Variants in ZNF536 observed in about 807,000 individuals in gnomAD.
ZNF536 encodes the protein zinc finger protein 536.
In ZNF536, 13 loss-of-function variants were observed where a neutral mutation model predicts 84.5. The ratio of observed to expected loss-of-function variants is 0.15; its 90% confidence interval spans 0.10 to 0.24. The LOEUF is 0.24. Ranked by LOEUF, ZNF536 falls within the 10% of genes least tolerant of loss-of-function variation. The pLI, the probability that ZNF536 is intolerant of heterozygous loss-of-function variation, is 1.00. For missense variants in ZNF536, 1,536 were observed against 1,747.5 expected (o/e 0.88, Z 2.16); for synonymous variants, 811 against 742.5 (o/e 1.09, Z -1.50).
intron 1 of ZNF536, among the ~76,000 whole-genome samples, chr19:30,703,463 A>G (rs2052084218): frequency 6.6e-6 from 1 of 152,176 alleles, no homozygotes; most frequent in Non-Finnish European, 1.5e-5. Flanking sequence ...CACCCACATC[A>G]AATTCTATCT....
chr19:30,703,376 C>A (rs1377902414), intron 1 of ZNF536, among the ~76,000 whole-genome samples: 1 of 152,158 alleles, frequency 6.6e-6, no homozygotes, highest in Admixed American at 6.5e-5. Context: ...CACTGCCTCC[C>A]AGTGCTGTTT....
At chr19:30,604,710 G>C (rs753374849) in intron 1 of ZNF536, among the ~76,000 whole-genome samples, 70 of 152,092 alleles carry the variant, frequency 4.6e-4, no homozygotes, top group Non-Finnish European at 7.5e-4. Flanking sequence ...GTGGGTCTTG[G>C]GAAATGATTT....
chr19:30,497,026 G>C (rs796809950), intron 2 of ZNF536, among the ~76,000 whole-genome samples: 2 of 152,188 alleles, frequency 1.3e-5, no homozygotes, highest in African/African-American at 4.8e-5. Flanking sequence ...CTTTACAAGA[G>C]AGATGATTAT....
rs115258201 is a variant in ZNF536 at position 30,495,057 on chromosome 19, G to A, written c.2171-39790G>A. 2.9e-3 allele frequency among the ~76,000 whole-genome samples: 438 copies of A among 151,940 alleles called. 1 individual carries two copies. Among genetic ancestry groups the A allele is most frequent in the African/African-American group, 9.9e-3 (408 of 41,402 alleles). ...ACACATTATGGCCAAAAGCCTAACT[G>A]TGAGTTAGGCTAAGAGTCAGCAGAC... On this transcript the variant is annotated intron_variant, in intron 2 of 4. Transcript: ENST00000355537.
chr19:30,276,663 G>T (rs566744655), intron 1 of ZNF536, among the ~76,000 whole-genome samples: 1 of 152,150 alleles, frequency 6.6e-6, no homozygotes, highest in Admixed American at 6.5e-5. Flanking sequence ...CCATGTGTTA[G>T]CTATGGAACA....
At chr19:30,682,414 C>T (rs2051012371) in intron 1 of ZNF536, among the ~76,000 whole-genome samples, 1 of 152,190 alleles carries the variant, frequency 6.6e-6, no homozygotes. Context: ...ACACAGCATA[C>T]AGTGTAATTC....
rs547512723 is a variant in ZNF536 at position 30,243,931 on chromosome 19, G to A, written c.-190+15258G>A. On this transcript the variant is annotated intron_variant, in intron 1 of 5. Transcript: ENST00000585628. The stretch of plus-strand genomic sequence containing the variant: ...CATTGCAATTTGTATTCAAGAGATA[G>A]TTCATTATAAATTCCAGTTCAGCAC... Among the ~76,000 whole-genome samples, 28 of 152,258 alleles carry A rather than the reference G, an allele frequency of 1.8e-4. 1 individual carries two copies. The highest frequency in any genetic ancestry group is 6.8e-3 in the Middle Eastern group (2 of 294).
At chr19:30,662,564 A>ATTTT (rs397958015) in intron 1 of ZNF536, among the ~76,000 whole-genome samples, 43 of 148,818 alleles carry the variant, frequency 2.9e-4, no homozygotes, top group African/African-American at 1.1e-3. Flanking sequence ...TTGTTTTTTG[A>ATTTT]TTTTTTTTTT....
intron 1 of ZNF536, among the ~76,000 whole-genome samples, chr19:30,693,498 A>C (rs954536201): frequency 2.6e-5 from 4 of 152,158 alleles, no homozygotes; most frequent in African/African-American, 9.7e-5. Flanking sequence ...GAGGATATGC[A>C]AAGTCTGACA....
chr19:30,233,686 C>T (rs1410806187), intron 1 of ZNF536, among the ~76,000 whole-genome samples: 1 of 152,032 alleles, frequency 6.6e-6, no homozygotes, highest in Admixed American at 6.6e-5. Flanking sequence ...AGGCACAGCT[C>T]CTAGTGCTTT....
chr19:30,703,542 C>T (rs754564181), intron 1 of ZNF536, among the ~76,000 whole-genome samples: 2 of 152,180 alleles, frequency 1.3e-5, no homozygotes, highest in Admixed American at 1.3e-4. Context: ...CTTTGAAGGT[C>T]CTCCGGTTTC....
chr19:30,281,639 G>A (rs2045448456), intron 1 of ZNF536, among the ~76,000 whole-genome samples: 1 of 152,208 alleles, frequency 6.6e-6, no homozygotes, highest in Non-Finnish European at 1.5e-5. Context: ...CCATGTTGCT[G>A]GGGAGGGCTG....
chr19:30,328,266 C>G lies in ZNF536; in HGVS notation c.-119-24102C>G, dbSNP rs371847556. 8.5e-5 allele frequency among the ~76,000 whole-genome samples: 13 copies of G among 152,160 alleles called. No individual in the cohort carries two copies. The East Asian group carries it at 1.2e-3, about 14-fold the overall frequency. On this transcript the variant is annotated intron_variant, in intron 2 of 5. Transcript: ENST00000585628. ...AGTGAGCAGAGAAAGACTTGGGCCT[C>G]CAGGAGCTCCTTGAGAAATAAACCG...
intron 1 of ZNF536, among the ~76,000 whole-genome samples, chr19:30,383,670 TTCTTCC>T: frequency 2.8e-5 from 1 of 36,270 alleles, no homozygotes; most frequent in African/African-American, 1.2e-4. Flanking sequence ...TTCTCTTTCT[TTCTTCC>T]TTTCTTCCTT....
At chr19:30,492,886 A>T (rs1434033511) in intron 2 of ZNF536, among the ~76,000 whole-genome samples, 1 of 152,170 alleles carries the variant, frequency 6.6e-6, no homozygotes, top group Non-Finnish European at 1.5e-5. Context: ...CTGAGCTTGA[A>T]TTTCAAAGTC....
At chr19:30,573,137 C>G (rs780041038) in intron 1 of ZNF536, among the ~76,000 whole-genome samples, 18 of 152,106 alleles carry the variant, frequency 1.2e-4, no homozygotes, top group Non-Finnish European at 2.1e-4. Flanking sequence ...ACCCAGAGAT[C>G]CCTGTGTAAG....
At chr19:30,565,273 T>C (rs2046311451) in intron 1 of ZNF536, among the ~76,000 whole-genome samples, 1 of 151,032 alleles carries the variant, frequency 6.6e-6, no homozygotes, top group Non-Finnish European at 1.5e-5. Flanking sequence ...TCTTCAAGGG[T>C]AAGGTCAGCT....
intron 1 of ZNF536, among the ~76,000 whole-genome samples, chr19:30,586,521 T>C (rs2047101456): frequency 6.6e-6 from 1 of 152,244 alleles, no homozygotes; most frequent in Admixed American, 6.5e-5. Context: ...GGAGTTTCCT[T>C]CCTTCCTTCT....
chr19:30,622,691 G>A (rs941028626), intron 1 of ZNF536, among the ~76,000 whole-genome samples: 8 of 152,164 alleles, frequency 5.3e-5, no homozygotes, highest in South Asian at 2.1e-4. Context: ...CTGGTTCCCC[G>A]CTACGCAGCT....
Sources: allele counts gnomAD v4.1 joint callset (sites outside exome capture counted in the v4.1 genomes callset), GRCh38; gene constraint gnomAD v4.1.1; transcripts MANE v1.5; gene names NCBI Gene and HGNC (gene_info 2026-07-23, HGNC 2026-07-21).